The following FGF14 variants were observed in gnomAD, a reference collection of about 807,000 sequenced individuals.
FGF14 encodes fibroblast growth factor homologous factor 4.
Under a neutral mutation model 25.5 loss-of-function variants are expected in FGF14, and 5 were observed. That is an observed-to-expected ratio of 0.20 (90% CI 0.10 to 0.41). The LOEUF is 0.41. FGF14 is among the 10% of genes least tolerant of loss of function. FGF14 has a pLI of 1.00. For missense variants in FGF14, 222 were observed against 320.1 expected, an observed-to-expected ratio of 0.69 and a Z score of 2.34; for synonymous variants, 138 against 118.3, an observed-to-expected ratio of 1.17 and a Z score of -1.08.
At chr13:102,277,893 T>C (rs1412295761) in intron 1 of FGF14, among the ~76,000 whole-genome samples, 2 of 152,218 alleles carry the variant, frequency 1.3e-5, no homozygotes, top group African/African-American at 4.8e-5. Context: ...ACCATCCAAG[T>C]CATTATTACC....
At chr13:102,390,190 T>C (rs2058400539) in intron 1 of FGF14, among the ~76,000 whole-genome samples, 2 of 152,042 alleles carry the variant, frequency 1.3e-5, no homozygotes, top group Admixed American at 6.6e-5. Flanking sequence ...AGAGTGGGGA[T>C]GGGTAGGAAC....
At position 102,043,412 on chromosome 13, in the gene FGF14, T is replaced by C. The variant is rs957815292; in HGVS notation, c.209-168116A>G. Reference sequence around the variant, plus strand: ...AACAACTGTCAAACAACAGGTTTCATCCAACGCTTACTCTAGGCCAGATAC... The same window carrying C: ...AACAACTGTCAAACAACAGGTTTCACCCAACGCTTACTCTAGGCCAGATAC... On this transcript the variant is annotated intron_variant, in intron 1 of 4. Transcript: ENST00000376131. Among the ~76,000 whole-genome samples, 4 of 152,122 alleles carry C rather than the reference T, an allele frequency of 2.6e-5. 1 individual carries two copies. The highest frequency in any genetic ancestry group is 2.6e-4 in the Admixed American group (4 of 15,252).
intron 1 of FGF14, among the ~76,000 whole-genome samples, chr13:102,248,685 C>A (rs938931126): frequency 6.6e-6 from 1 of 151,892 alleles, no homozygotes; most frequent in Non-Finnish European, 1.5e-5. Flanking sequence ...GTATTTTGCA[C>A]CAGGAATTAA....
intron 1 of FGF14, among the ~76,000 whole-genome samples, chr13:102,132,653 AC>A (rs1444730063): frequency 1.3e-5 from 2 of 151,816 alleles, no homozygotes; most frequent in Admixed American, 6.6e-5. Flanking sequence ...AGTAGCTGGG[AC>A]TATAGGTGTG....
At chr13:101,835,752 G>C (rs1216853733) in intron 3 of FGF14, among the ~76,000 whole-genome samples, 1 of 151,986 alleles carries the variant, frequency 6.6e-6, no homozygotes, top group African/African-American at 2.4e-5. Flanking sequence ...TGTGCTTGCG[G>C]CTACCCACTC....
intron 3 of FGF14, among the ~76,000 whole-genome samples, chr13:101,736,637 T>C (rs913079298): frequency 6.6e-6 from 1 of 152,192 alleles, no homozygotes; most frequent in African/African-American, 2.4e-5. Flanking sequence ...TGAATGTACA[T>C]CCAATTAAAG....
At chr13:101,724,603 TATATATATATATATATATATATATA>T (rs2035256882) in intron 4 of FGF14, among the ~76,000 whole-genome samples, 1 of 12,882 alleles carries the variant, frequency 7.8e-5, no homozygotes, top group Admixed American at 1.3e-3. Flanking sequence ...ATAAAATATA[TATATATATATATATATATATATATA>T]TATAAAACAA....
intron 1 of FGF14, among the ~76,000 whole-genome samples, chr13:101,906,499 G>T (rs181832463): frequency 6.6e-6 from 1 of 152,064 alleles, no homozygotes; most frequent in Non-Finnish European, 1.5e-5. Context: ...AATGAGAATC[G>T]CACTATTTTA....
At chr13:101,850,654 A>G (rs1176554882) in intron 3 of FGF14, among the ~76,000 whole-genome samples, 1 of 143,600 alleles carries the variant, frequency 7.0e-6, no homozygotes, top group Non-Finnish European at 1.5e-5. Flanking sequence ...TACATTCTCT[A>G]TATATTCTAT....
chr13:101,847,631 C>T (rs895330558), intron 3 of FGF14, among the ~76,000 whole-genome samples: 2 of 152,026 alleles, frequency 1.3e-5, no homozygotes, highest in African/African-American at 4.8e-5. Context: ...GACTTCATAC[C>T]ATACTCTGTG....
chr13:102,073,744 C>T (rs2043241339), intron 1 of FGF14, among the ~76,000 whole-genome samples: 1 of 152,074 alleles, frequency 6.6e-6, no homozygotes, highest in East Asian at 1.9e-4. Context: ...ATATCAAAGG[C>T]CTATGATTAT....
At chr13:102,230,855 A>G (rs1002220156) in intron 1 of FGF14, among the ~76,000 whole-genome samples, 2 of 152,244 alleles carry the variant, frequency 1.3e-5, no homozygotes, top group African/African-American at 4.8e-5. Context: ...ATGTATAATT[A>G]TAGATGGATA....
At chr13:102,357,039 T>C (rs1351152542) in intron 1 of FGF14, among the ~76,000 whole-genome samples, 1 of 151,076 alleles carries the variant, frequency 6.6e-6, no homozygotes, top group African/African-American at 2.4e-5. Context: ...TGCTAGGAAG[T>C]GGTGGAGGAG....
intron 1 of FGF14, among the ~76,000 whole-genome samples, chr13:102,380,302 T>C (rs2139169426): frequency 6.6e-6 from 1 of 152,226 alleles, no homozygotes; most frequent in South Asian, 2.1e-4. Context: ...CTGTTTTCAG[T>C]TTAAAGTTCA....
chr13:101,889,823 T>C (rs2046181525), intron 1 of FGF14, among the ~76,000 whole-genome samples: 1 of 152,232 alleles, frequency 6.6e-6, no homozygotes, highest in African/African-American at 2.4e-5. Flanking sequence ...CCTCTACATG[T>C]TTCAGGCTCT....
In FGF14 at chr13:101,716,281, G is replaced by A. The variant is rs1262761989; in HGVS notation, c.*6550C>T. On this transcript the variant is annotated 3_prime_UTR_variant, in exon 5 of 5. Coordinates refer to ENST00000376143, the MANE Select transcript of FGF14 (RefSeq NM_004115.4). Reference sequence around the variant, plus strand: ...GAGGTAGAATATCAGAGTGGGGCTGGATCAAGGGCAAAAACTGGTCATTAA... The same window carrying A: ...GAGGTAGAATATCAGAGTGGGGCTGAATCAAGGGCAAAAACTGGTCATTAA... 6.6e-6 allele frequency: 1 copy of A among 152,108 alleles called. No homozygotes were observed. Among genetic ancestry groups the A allele is most frequent in the Non-Finnish European group, 1.5e-5 (1 of 68,018 alleles). 9.4% of individuals were successfully genotyped at this position (152,108 alleles called of 1,614,324 possible). A position where few individuals can be genotyped will look rare whatever the true frequency, so the allele number is the denominator to read the frequency against.
intron 1 of FGF14, among the ~76,000 whole-genome samples, chr13:102,233,451 C>CTT (rs35041551): frequency 3.4e-4 from 52 of 151,504 alleles, no homozygotes; most frequent in Middle Eastern, 3.4e-3. Flanking sequence ...ATTTAACTTG[C>CTT]TTTTTTTTGT....
intron 3 of FGF14, among the ~76,000 whole-genome samples, chr13:101,751,175 T>C (rs548848492): frequency 6.6e-6 from 1 of 152,276 alleles, no homozygotes; most frequent in Non-Finnish European, 1.5e-5. Flanking sequence ...CACCTAGAGT[T>C]AACTCTAATG....
intron 3 of FGF14, among the ~76,000 whole-genome samples, chr13:101,834,973 G>C (rs1396937024): frequency 6.6e-6 from 1 of 151,918 alleles, no homozygotes; most frequent in Non-Finnish European, 1.5e-5. Context: ...ATTTGTTGTT[G>C]GTTCACAGGG....
Sources: gnomAD v4.1 joint callset for allele counts (sites outside exome capture counted in the v4.1 genomes callset) on GRCh38, gnomAD v4.1.1 for gene constraint, MANE v1.5 for transcripts, NCBI Gene and HGNC (gene_info 2026-07-23, HGNC 2026-07-21) for gene names.